Variants in MAP7D2 observed in about 807,000 individuals in gnomAD.
MAP7D2 encodes MAP7 domain-containing protein 2.
In MAP7D2, 33 loss-of-function variants were observed where a neutral mutation model predicts 63.5. The ratio of observed to expected loss-of-function variants is 0.52; its 90% CI spans 0.39 to 0.70. MAP7D2 has a LOEUF of 0.70. Among genes scored for constraint, MAP7D2 ranks in the 30% least tolerant of loss-of-function variants. The probability of loss-of-function intolerance (pLI) is 0.00; values close to 1 mark genes in which losing one functional copy is unlikely to be tolerated. For synonymous variants in MAP7D2, 224 were observed against 223.7 expected (o/e 1.00, Z -0.01); for missense variants, 626 against 604.0 (o/e 1.04, Z -0.38).
At chrX:20,049,604 C>T (rs984773371) in intron 6 of MAP7D2, among the ~76,000 whole-genome samples, 1 of 111,674 alleles carries the variant, frequency 9.0e-6, no homozygotes, top group Non-Finnish European at 1.9e-5. Context: ...TAATATTCTA[C>T]TTTATGGGTA....
intron 10 of MAP7D2, among the ~76,000 whole-genome samples, chrX:20,019,975 C>T (rs2073578949): frequency 1.8e-5 from 2 of 111,957 alleles, no homozygotes; most frequent in African/African-American, 6.5e-5. Flanking sequence ...CAATTGCATT[C>T]CGGCCTTTTA....
intron 1 of MAP7D2, among the ~76,000 whole-genome samples, chrX:20,092,526 T>C: frequency 8.9e-6 from 1 of 112,241 alleles, no homozygotes; most frequent in Non-Finnish European, 1.9e-5. Context: ...CTTGTCCACT[T>C]ATTCTCCCTA....
Position 20,012,474 on chromosome X carries a change from A to C in MAP7D2, c.1947T>G (p.Thr649=), listed in dbSNP as rs1249003652. The part of the protein sequence containing the change: ...VNGVDHAAPE[T]YPQDIFSNGL... ...CATTAGAGAAAATGTCTTGGGGATA[A>C]GTTTCTGGGGCAGCGTGATCCACAC... The change falls in exon 15 of 17, where the codon ACT becomes ACG. Residue 649 remains threonine (T), a synonymous_variant. Coordinates refer to ENST00000379643, the MANE Select transcript of MAP7D2 (RefSeq NM_001168465.2). 1 of 1,205,072 alleles carries C rather than the reference A, an allele frequency of 8.3e-7. No homozygotes were observed. Among genetic ancestry groups the C allele is most frequent in the Non-Finnish European group, 1.1e-6 (1 of 892,377 alleles).
chrX:20,047,480 C>T (rs948125511), intron 6 of MAP7D2, among the ~76,000 whole-genome samples: 2 of 110,797 alleles, frequency 1.8e-5, no homozygotes, highest in Non-Finnish European at 3.8e-5. Context: ...AAGATTCATA[C>T]AGCAACTGAT....
intron 1 of MAP7D2, among the ~76,000 whole-genome samples, chrX:20,100,236 G>C (rs2066392492): frequency 8.9e-6 from 1 of 112,082 alleles, no homozygotes; most frequent in Non-Finnish European, 1.9e-5. Context: ...GCTATCACTG[G>C]AGCAAAGGAG....
chrX:20,021,091 C>T (rs2073621981), intron 10 of MAP7D2, among the ~76,000 whole-genome samples: 1 of 112,436 alleles, frequency 8.9e-6, no homozygotes, highest in Non-Finnish European at 1.9e-5. Context: ...CTTACTAGTT[C>T]CTGCCAGTGC....
chrX:20,108,777 C>T (rs2066645267), intron 1 of MAP7D2, among the ~76,000 whole-genome samples: 1 of 108,240 alleles, frequency 9.2e-6, no homozygotes, highest in Non-Finnish European at 1.9e-5. Flanking sequence ...TAGTTTGAGA[C>T]ACACTAGCCT....
chrX:20,058,254 G>A (rs746303142), intron 3 of MAP7D2, among the ~76,000 whole-genome samples: 1 of 112,632 alleles, frequency 8.9e-6, no homozygotes, highest in East Asian at 2.8e-4. Flanking sequence ...GAACTTCTCT[G>A]CCATGTGATG....
chrX:20,115,192 T>TC (rs1486073689), intron 1 of MAP7D2, among the ~76,000 whole-genome samples: 2 of 102,760 alleles, frequency 1.9e-5, no homozygotes, highest in African/African-American at 7.3e-5. Flanking sequence ...TTATTAAGAA[T>TC]CTCCCCCGCA....
Position 20,066,174 on chromosome X carries a change from G to A in MAP7D2, c.131-1369C>T, listed in dbSNP as rs189152832. On this transcript the variant is annotated intron_variant, in intron 1 of 16. Coordinates refer to ENST00000379643, the MANE Select transcript of MAP7D2 (RefSeq NM_001168465.2). ...CCTGACCTCATGATCCACCCGCCTC[G>A]GCCTCCCAAAGAAGCACACCATTCT... Among the ~76,000 whole-genome samples, 489 of 111,403 alleles carry A rather than the reference G, an allele frequency of 4.4e-3. 2 individuals carry two copies. The highest frequency in any genetic ancestry group is 0.014 in the Middle Eastern group (3 of 213).
At chrX:20,105,753 G>A (rs2066549753) in intron 1 of MAP7D2, among the ~76,000 whole-genome samples, 1 of 111,321 alleles carries the variant, frequency 9.0e-6, no homozygotes, top group South Asian at 3.7e-4. Context: ...TCCTGACCCC[G>A]ACCCCAACAC....
rs148501612 is a variant in MAP7D2 at position 20,025,775 on chromosome X, C to A, written c.1185G>T (p.Pro395=). 1,612 of 1,209,878 alleles carry A rather than the reference C, an allele frequency of 1.3e-3. No homozygotes were observed. The highest frequency in any genetic ancestry group is 3.0e-3 in the Middle Eastern group (13 of 4,350). ...EGTLAQQAAG[P]QGEEALEKHV... is the part of the protein sequence containing the mutation. ...GCTTCTCTAGGGCTTCCTCTCCTTG[C>A]GGGCCAGCAGCCTGCTGAGCCAAGG... The change falls in exon 9 of 17, where the codon CCG becomes CCT. Residue 395 remains proline, a synonymous_variant. Coordinates refer to ENST00000379643, the MANE Select transcript of MAP7D2 (RefSeq NM_001168465.2).
chrX:20,056,372 C>T (rs1452571976), intron 4 of MAP7D2, among the ~76,000 whole-genome samples: 5 of 111,794 alleles, frequency 4.5e-5, no homozygotes, highest in African/African-American at 1.3e-4. Context: ...CAGAACAACC[C>T]TGGGCTTGCC....
chrX:20,048,780 T>C (rs1020301814), intron 6 of MAP7D2, among the ~76,000 whole-genome samples: 1 of 108,609 alleles, frequency 9.2e-6, no homozygotes, highest in Non-Finnish European at 1.9e-5. Context: ...ACCCAAAAAA[T>C]TAGCCAGGCA....
chrX:20,092,676 T>C (rs187720723), intron 1 of MAP7D2, among the ~76,000 whole-genome samples: 39 of 112,126 alleles, frequency 3.5e-4, no homozygotes, highest in East Asian at 2.8e-4. Flanking sequence ...AAAATGTGTA[T>C]GCCTTTTCTC....
At chrX:20,019,250 A>G (rs1367278606) in intron 10 of MAP7D2, among the ~76,000 whole-genome samples, 1 of 110,271 alleles carries the variant, frequency 9.1e-6, no homozygotes, top group Non-Finnish European at 1.9e-5. Context: ...GCTGGTCTCA[A>G]ACTCCTGGGC....
chrX:20,088,944 G>A (rs2065994687), intron 1 of MAP7D2, among the ~76,000 whole-genome samples: 1 of 109,599 alleles, frequency 9.1e-6, no homozygotes. Context: ...AGCAATTTCT[G>A]GCTAATTTTT....
In MAP7D2 at chrX:20,023,524, G is replaced by A. The variant is rs2073730493; in HGVS notation, c.1412+1427C>T. ...ATTAGTAGTTAGGCAACGAGGAGGA[G>A]TGGTAGGTGTGAGGTTTGAAGACTG... On this transcript the variant is annotated intron_variant, in intron 10 of 16. Transcript: ENST00000379643. Among the ~76,000 whole-genome samples the A allele has an allele frequency of 2.7e-5, 3 of 112,780 alleles. No individual in the cohort carries two copies. The Admixed American group carries it at 2.8e-4, about 11-fold the overall frequency.
At chrX:20,054,131 C>T (rs1033057504) in intron 4 of MAP7D2, among the ~76,000 whole-genome samples, 4 of 112,384 alleles carry the variant, frequency 3.6e-5, no homozygotes, top group African/African-American at 1.3e-4. Flanking sequence ...AGCCACTGCA[C>T]CTGGCCCGGT....
Sources: gnomAD v4.1 joint callset for allele counts (sites outside exome capture counted in the v4.1 genomes callset) on GRCh38, gnomAD v4.1.1 for gene constraint, MANE v1.5 for transcripts, NCBI Gene and HGNC (gene_info 2026-07-23, HGNC 2026-07-21) for gene names.